The following KEAP1 variants were observed in gnomAD, a reference collection of about 807,000 sequenced individuals.
KEAP1 encodes kelch-like ECH-associated protein 1.
Under a neutral mutation model 59.7 loss-of-function variants are expected in KEAP1, and 26 were observed. That is an observed-to-expected ratio of 0.44 (90% confidence interval 0.32 to 0.60). The LOEUF (loss-of-function observed/expected upper bound fraction) is 0.60. KEAP1 is among the 20% of genes least tolerant of loss of function. KEAP1 has a pLI of 0.06. For missense variants in KEAP1, 539 were observed against 871.4 expected (o/e 0.62, Z 4.80); for synonymous variants, 350 against 358.3 (o/e 0.98, Z 0.26).
In KEAP1 at chr19:10,491,746, C is replaced by G. The variant is rs373063629; in HGVS notation, c.1156G>C (p.Gly386Arg). 1.2e-4 allele frequency: 194 copies of G among 1,565,678 alleles called. No homozygotes were observed. The highest frequency in any genetic ancestry group is 7.6e-5 in the Admixed American group (4 of 52,376). Residue 386 changes from glycine to arginine, a missense_variant, in exon 3 of 6, where the codon GGC becomes CGC. Coordinates refer to ENST00000171111, the MANE Select transcript of KEAP1 (RefSeq NM_203500.2). The surrounding 1 kb of genome is among the most constrained non-coding windows in gnomAD (Gnocchi z 5.2). ...TCCAGGGCGCTGGAGTCGGTGTTGC[C>G]GTCGGGCGAGTTGTTCCTGCCGCCC... ...AVGGRNNSPD[G>R]NTDSSALDCY... is the part of the protein sequence containing the mutation.
Position 10,491,337 on chromosome 19 carries a change from C to T in KEAP1, c.1325+240G>A, listed in dbSNP as rs1031894576. ...CAATTTCAAACTGATGGAACATTTT[C>T]CAACTCCGCACAAAGGAACCATATG... On this transcript the variant is annotated intron_variant, in intron 3 of 5. Coordinates refer to ENST00000171111, the MANE Select transcript of KEAP1 (RefSeq NM_203500.2). The surrounding 1 kb of genome is among the most constrained non-coding windows in gnomAD (Gnocchi z 5.2). Among the ~76,000 whole-genome samples, 6 of 152,138 alleles carry T rather than the reference C, an allele frequency of 3.9e-5. No individual in the cohort carries two copies. The highest frequency in any genetic ancestry group is 1.4e-4 in the African/African-American group (6 of 41,442).
intron 2 of KEAP1, among the ~76,000 whole-genome samples, chr19:10,497,123 C>CA (rs34492223): frequency 1.9e-3 from 184 of 98,974 alleles, no homozygotes; most frequent in Admixed American, 2.3e-3. Context: ...GACTCCGTCT[C>CA]AAAAAAAAAA....
rs1384602464 is a variant in KEAP1 at position 10,489,840 on chromosome 19, G to T, written c.1339C>A (p.Arg447=). ...HNSVERYEPE[R]DEWHLVAPML... is the part of the protein sequence containing the mutation. ...GGGGCCACCAAGTGCCACTCATCCC[G>T]CTCTGGCTCATACCTGCAAGGGCGT... Residue 447 remains arginine, a synonymous_variant, in exon 4 of 6, where the codon CGG becomes AGG. Coordinates refer to ENST00000171111, the MANE Select transcript of KEAP1 (RefSeq NM_203500.2). 1.2e-6 allele frequency: 2 copies of T among 1,613,530 alleles called. No homozygotes were observed. The highest frequency in any genetic ancestry group is 1.7e-6 in the Non-Finnish European group (2 of 1,179,828).
At chr19:10,500,239 C>A (rs1340575496) in intron 1 of KEAP1, among the ~76,000 whole-genome samples, 159 bp from the exon 2 acceptor site, 1 of 152,216 alleles carries the variant, frequency 6.6e-6, no homozygotes, top group Admixed American at 6.5e-5. Flanking sequence ...CCGACCTGAT[C>A]AACCTGATTG....
intron 5 of KEAP1, 72 bp downstream of exon 5, chr19:10,489,120 A>AAAAT: frequency 1.1e-6 from 1 of 920,616 alleles, no homozygotes; most frequent in Non-Finnish European, 1.5e-6. Flanking sequence ...AAAAAAAAAA[A>AAAAT]GGAAAGCAAA....
chr19:10,493,397 T>C lies in KEAP1; in HGVS notation c.640-1135A>G, dbSNP rs573121706. Reference sequence around the variant, plus strand: ...CAGGATGGTCTCGATCTCCTGACCTTGTGATCCACCCGCCTTAGCCTCCCA... The same window carrying C: ...CAGGATGGTCTCGATCTCCTGACCTCGTGATCCACCCGCCTTAGCCTCCCA... On this transcript the variant is annotated intron_variant, in intron 2 of 5. Transcript: ENST00000171111. 6.8e-4 allele frequency among the ~76,000 whole-genome samples: 103 copies of C among 151,596 alleles called. 1 individual carries two copies. Among genetic ancestry groups the C allele is most frequent in the African/African-American group, 2.2e-3 (91 of 41,324 alleles).
intron 5 of KEAP1, among the ~76,000 whole-genome samples, chr19:10,487,824 C>T (rs1914519776): frequency 6.6e-6 from 1 of 151,640 alleles, no homozygotes; most frequent in South Asian, 2.1e-4. Context: ...TGTGAAACCC[C>T]GTCTCTACTA....
chr19:10,497,194 C>G lies in KEAP1; in HGVS notation c.639+2201G>C, dbSNP rs1291696683. Among the ~76,000 whole-genome samples the G allele has an allele frequency of 2.0e-5, 3 of 151,882 alleles. No individual in the cohort carries two copies. In the East Asian group the frequency reaches 5.8e-4, roughly 29 times the overall value. ...TTTAATCTAGTACCCCATGTTCATA[C>G]AAACACAAGAAAGAAACACTGTATA... is the stretch of plus-strand genomic sequence containing the variant. On this transcript the variant is annotated intron_variant, in intron 2 of 5. Transcript: ENST00000171111.
In KEAP1 at chr19:10,495,159, TGAG is replaced by T. The variant is rs1002955392; in HGVS notation, c.640-2900_640-2898del. On this transcript the variant is annotated intron_variant, in intron 2 of 5. Coordinates refer to ENST00000171111, the MANE Select transcript of KEAP1 (RefSeq NM_203500.2). The stretch of plus-strand genomic sequence containing the variant: ...GTATTTTTAGTAGAGATGGGATGTC[TGAG>T]TTTATTTTTTAAGAGACAGGGTCTT... 9.9e-5 allele frequency among the ~76,000 whole-genome samples: 15 copies of T among 151,764 alleles called. 1 individual carries two copies. Among genetic ancestry groups the T allele is most frequent in the African/African-American group, 3.6e-4 (15 of 41,346 alleles).
rs947818602 is a variant in KEAP1 at position 10,491,166 on chromosome 19, C to G, written c.1325+411G>C. Among the ~76,000 whole-genome samples, 2 of 151,988 alleles carry G rather than the reference C, an allele frequency of 1.3e-5. No individual in the cohort carries two copies. Among genetic ancestry groups the G allele is most frequent in the Non-Finnish European group, 2.9e-5 (2 of 68,000 alleles). ...CCTGGGAGGCGAGGTTGCAGTGACC[C>G]AAGATGCACTCCAGCCTGGGCAACA... On this transcript the variant is annotated intron_variant, in intron 3 of 5. Transcript: ENST00000171111. This position sits in a 1 kb window ranked among gnomAD's most constrained non-coding sequence, Gnocchi z 5.2.
intron 5 of KEAP1, among the ~76,000 whole-genome samples, chr19:10,488,204 T>G (rs1208916769): frequency 1.3e-5 from 2 of 152,044 alleles, no homozygotes; most frequent in African/African-American, 4.8e-5. Flanking sequence ...GGAGAATCAC[T>G]TGAACCTGGG....
intron 2 of KEAP1, among the ~76,000 whole-genome samples, chr19:10,496,008 G>A (rs1478448004): frequency 6.6e-6 from 1 of 150,880 alleles, no homozygotes; most frequent in Admixed American, 6.6e-5. Context: ...AACATAGCGA[G>A]ACCTCATCTC....
chr19:10,489,141 G>T, intron 5 of KEAP1, 51 bp downstream of exon 5: 70 of 1,026,208 alleles, frequency 6.8e-5, no homozygotes, highest in South Asian at 8.7e-5. Flanking sequence ...AGCAAAAGCA[G>T]TCCACAAAAG....
intron 5 of KEAP1, 66 bp from the exon 6 acceptor site, chr19:10,486,884 G>T: frequency 6.5e-7 from 1 of 1,527,750 alleles, no homozygotes; most frequent in South Asian, 1.2e-5. Flanking sequence ...GGGACAGAAA[G>T]AGAGAGATGC....
rs1031642851 is a variant in KEAP1, at chr19:10,503,046, G to C, written c.-48+195C>G. The stretch of plus-strand genomic sequence containing the variant: ...GGCCTGCGCGCCCCGGCCCGCACCA[G>C]GGGTGGGGTGGACACCCCTCCCCGT... On this transcript the variant is annotated intron_variant, in intron 1 of 5. Transcript: ENST00000171111. This position sits in a 1 kb window ranked among gnomAD's most constrained non-coding sequence, Gnocchi z 4.3. The C allele has an allele frequency of 1.3e-5, 2 of 151,946 alleles. No homozygotes were observed. The highest frequency in any genetic ancestry group is 1.3e-4 in the Admixed American group (2 of 15,268). 9.4% of individuals were successfully genotyped at this position (151,946 alleles called of 1,614,324 possible).
intron 2 of KEAP1, 23 bp from the exon 3 acceptor site, chr19:10,492,285 G>A (rs775624771): frequency 6.9e-6 from 11 of 1,584,426 alleles, no homozygotes; most frequent in Non-Finnish European, 9.5e-6. Context: ...ACAGTGGGAC[G>A]GGCTGACTCT....
intron 2 of KEAP1, among the ~76,000 whole-genome samples, chr19:10,493,126 G>T (rs1914730170): frequency 6.6e-6 from 1 of 150,742 alleles, no homozygotes; most frequent in Admixed American, 6.7e-5. Flanking sequence ...CTCCCAAGTA[G>T]CTAGGATTAC....
At chr19:10,492,394 T>C (rs910644320) in intron 2 of KEAP1, 132 bp from the exon 3 acceptor site, 1 of 683,634 alleles carries the variant, frequency 1.5e-6, no homozygotes, top group African/African-American at 1.8e-5. Context: ...GGGATTCAAA[T>C]AATAGGAACC....
intron 1 of KEAP1, among the ~76,000 whole-genome samples, chr19:10,500,940 G>A (rs1176129876): frequency 1.3e-5 from 2 of 152,124 alleles, no homozygotes; most frequent in Non-Finnish European, 2.9e-5. Flanking sequence ...TTGGCATCCC[G>A]AAGTGCTGGG....
Sources: allele counts gnomAD v4.1 joint callset (sites outside exome capture counted in the v4.1 genomes callset), GRCh38; gene constraint gnomAD v4.1.1; non-coding constraint Gnocchi (gnomAD v3.1); transcripts MANE v1.5; gene names NCBI Gene and HGNC (gene_info 2026-07-23, HGNC 2026-07-21).